ATG7: variants seen among roughly 807,000 people sequenced by gnomAD.
The protein encoded by ATG7 is ubiquitin-like modifier-activating enzyme ATG7.
ATG7 carries 70 observed loss-of-function variants against 82.4 expected under a neutral mutation model. That is an observed-to-expected ratio of 0.85 (90% CI 0.70 to 1.04). The LOEUF (loss-of-function observed/expected upper bound fraction) is 1.04, where lower values mean the gene tolerates loss of function less well. Ranked by LOEUF, ATG7 falls within the 50% of genes least tolerant of loss-of-function variation. The pLI is 0.00. For synonymous variants in ATG7, 287 were observed against 313.0 expected (o/e 0.92, Z 0.88); for missense variants, 792 against 864.3 (o/e 0.92, Z 1.05).
intron 20 of ATG7, among the ~76,000 whole-genome samples, chr3:11,462,278 A>G (rs1381147581): frequency 6.6e-6 from 1 of 151,946 alleles, no homozygotes; most frequent in Non-Finnish European, 1.5e-5. Flanking sequence ...ATGTTCTTTT[A>G]TGAGATAGTC....
chr3:11,518,623 T>A (rs2092350833), intron 20 of ATG7, among the ~76,000 whole-genome samples: 1 of 152,058 alleles, frequency 6.6e-6, no homozygotes, highest in Admixed American at 6.6e-5. Flanking sequence ...GTTTCTTTGC[T>A]ACATCAGACT....
At chr3:11,514,998 A>G (rs1487234706) in intron 20 of ATG7, among the ~76,000 whole-genome samples, 4 of 151,250 alleles carry the variant, frequency 2.6e-5, no homozygotes, top group Admixed American at 2.6e-4. Context: ...GCACCACCAC[A>G]CCCAGCTAAA....
intron 19 of ATG7, among the ~76,000 whole-genome samples, chr3:11,417,812 T>TA (rs1167677936): frequency 0.14 from 12,210 of 86,436 alleles, 726 homozygotes; most frequent in Non-Finnish European, 0.19. Context: ...TTTATTTTAT[T>TA]TTATTTTTTT....
intron 20 of ATG7, among the ~76,000 whole-genome samples, chr3:11,455,952 A>C (rs983320642): frequency 1.3e-5 from 2 of 152,164 alleles, no homozygotes; most frequent in Non-Finnish European, 2.9e-5. Flanking sequence ...GGCATTGTCT[A>C]TATTCTTGTT....
At chr3:11,311,889 T>A (rs1450562329) in intron 7 of ATG7, among the ~76,000 whole-genome samples, 1 of 151,562 alleles carries the variant, frequency 6.6e-6, no homozygotes, top group African/African-American at 2.4e-5. Context: ...CTTTCTCATC[T>A]GTACACATGA....
At chr3:11,277,892 C>CCCCCG (rs1942186740) in intron 1 of ATG7, among the ~76,000 whole-genome samples, 1 of 26,986 alleles carries the variant, frequency 3.7e-5, no homozygotes, top group African/African-American at 1.7e-4. Context: ...CCTTTATAGA[C>CCCCCG]CCCCCCCCCC....
the ATG7 span, among the ~76,000 whole-genome samples, chr3:11,572,391 A>G: frequency 6.6e-6 from 1 of 152,220 alleles, no homozygotes; most frequent in Non-Finnish European, 1.5e-5. Context: ...AGGAAAATAC[A>G]AAGACTCGTG....
intron 19 of ATG7, among the ~76,000 whole-genome samples, chr3:11,406,701 C>T (rs959065216): frequency 2.6e-5 from 4 of 152,180 alleles, no homozygotes. Flanking sequence ...TAAGGAGGAG[C>T]AAGTCACATC....
At chr3:11,527,069 GTGTATATATA>G (rs1174023068) in intron 20 of ATG7, among the ~76,000 whole-genome samples, 87 of 118,230 alleles carry the variant, frequency 7.4e-4, no homozygotes, top group Admixed American at 3.0e-3. Context: ...GTGTGTGTGT[GTGTATATATA>G]TATATATATA....
intron 11 of ATG7, among the ~76,000 whole-genome samples, chr3:11,337,444 CTCTG>C (rs963640184): frequency 1.3e-4 from 20 of 151,668 alleles, no homozygotes; most frequent in African/African-American, 4.6e-4. Context: ...GACAGCAAGA[CTCTG>C]TCTGTCTCTC....
intron 20 of ATG7, among the ~76,000 whole-genome samples, chr3:11,524,253 A>C (rs1476037962): frequency 6.6e-6 from 1 of 152,186 alleles, no homozygotes; most frequent in Non-Finnish European, 1.5e-5. Flanking sequence ...AGACAAAGGA[A>C]GGCATTGCTT....
At chr3:11,295,484 A>G (rs1401484876) in intron 3 of ATG7, among the ~76,000 whole-genome samples, 2 of 152,234 alleles carry the variant, frequency 1.3e-5, no homozygotes, top group African/African-American at 2.4e-5. Context: ...CCCCACTGGA[A>G]CTTGCTACGG....
intron 20 of ATG7, among the ~76,000 whole-genome samples, chr3:11,453,876 G>T (rs1444595102): frequency 6.6e-6 from 1 of 152,170 alleles, no homozygotes; most frequent in African/African-American, 2.4e-5. Context: ...GTGTGCCCTG[G>T]TCAGCTGACT....
chr3:11,337,583 T>C (rs1952747064), intron 11 of ATG7, among the ~76,000 whole-genome samples: 1 of 152,118 alleles, frequency 6.6e-6, no homozygotes, highest in Non-Finnish European at 1.5e-5. Context: ...GCCATATGTG[T>C]TATTTTTTTC....
At chr3:11,492,143 G>A (rs139671541) in intron 20 of ATG7, among the ~76,000 whole-genome samples, 3 of 152,212 alleles carry the variant, frequency 2.0e-5, no homozygotes, top group South Asian at 2.1e-4. Context: ...CTCCGAGCCA[G>A]GTGTGGAATA....
chr3:11,425,899 G>A (rs936326873), intron 19 of ATG7, among the ~76,000 whole-genome samples: 2 of 152,084 alleles, frequency 1.3e-5, no homozygotes, highest in East Asian at 1.9e-4. Context: ...AAATGTAATT[G>A]TACAGTACAT....
chr3:11,385,988 T>C (rs932882573), intron 19 of ATG7, among the ~76,000 whole-genome samples: 1 of 152,160 alleles, frequency 6.6e-6, no homozygotes, highest in Non-Finnish European at 1.5e-5. Context: ...TACAATAACA[T>C]GTAAAACTCT....
At chr3:11,418,063 G>A (rs1003797076) in intron 19 of ATG7, among the ~76,000 whole-genome samples, 18 of 151,142 alleles carry the variant, frequency 1.2e-4, no homozygotes, top group African/African-American at 3.4e-4. Context: ...CACCCGCCTC[G>A]GCCTCCCAAA....
At chr3:11,432,502 G>A (rs541960787) in intron 20 of ATG7, among the ~76,000 whole-genome samples, 1 of 151,990 alleles carries the variant, frequency 6.6e-6, no homozygotes, top group Admixed American at 6.6e-5. Flanking sequence ...TGAGGGAGAA[G>A]CTTGGGAGGG....
Sources: allele counts gnomAD v4.1 joint callset (sites outside exome capture counted in the v4.1 genomes callset), GRCh38; gene constraint gnomAD v4.1.1; transcripts MANE v1.5; gene names NCBI Gene and HGNC (gene_info 2026-07-23, HGNC 2026-07-21).